The following GIPC2 variants were observed in gnomAD, a reference collection of about 807,000 sequenced individuals.
The protein encoded by GIPC2 is GIPC PDZ domain containing family member 2.
GIPC2 carries 30 observed loss-of-function variants against 30.6 expected under a neutral mutation model. The ratio of observed to expected loss-of-function variants is 0.98; its 90% CI spans 0.73 to 1.33. The LOEUF is 1.33. Among genes scored for constraint, GIPC2 ranks in the 40% most tolerant of loss-of-function variants. GIPC2 has a pLI of 0.00. For missense variants in GIPC2, 414 were observed against 390.3 expected, an observed-to-expected ratio of 1.06 and a Z score of -0.51; for synonymous variants, 167 against 150.0, an observed-to-expected ratio of 1.11 and a Z score of -0.83.
At chr1:78,051,161 G>T (rs1434571059) in intron 1 of GIPC2, among the ~76,000 whole-genome samples, 3 of 150,926 alleles carry the variant, frequency 2.0e-5, no homozygotes, top group Non-Finnish European at 4.4e-5. Flanking sequence ...ACCCCACTTT[G>T]CTCAATACAT....
At chr1:78,050,205 A>C (rs1451411874) in intron 1 of GIPC2, among the ~76,000 whole-genome samples, 1 of 152,034 alleles carries the variant, frequency 6.6e-6, no homozygotes, top group Non-Finnish European at 1.5e-5. Flanking sequence ...GCCGGTTCCA[A>C]GTCTATTACA....
Position 78,046,220 on chromosome 1 carries a change from G to T in GIPC2, c.126G>T (p.Leu42=). ...CGTCCCGGGCTCCCGCACGCAGGCT[G>T]GTCTTCCACGCGCAGCTGGCGCACG... The part of the protein sequence containing the change: ...LSASRAPARR[L]VFHAQLAHGS... Residue 42 remains leucine (L), a synonymous_variant, in exon 1 of 6, where the codon CTG becomes CTT. Coordinates refer to ENST00000370759, the MANE Select transcript of GIPC2 (RefSeq NM_017655.6). 6.2e-7 allele frequency: 1 copy of T among 1,602,362 alleles called. No homozygotes were observed. Among genetic ancestry groups the T allele is most frequent in the Non-Finnish European group, 8.5e-7 (1 of 1,175,612 alleles).
intron 1 of GIPC2, among the ~76,000 whole-genome samples, chr1:78,055,324 A>G (rs1661268911): frequency 6.6e-6 from 1 of 152,178 alleles, no homozygotes. Context: ...GTGGGGGATT[A>G]GGCTTGGGGA....
intron 1 of GIPC2, among the ~76,000 whole-genome samples, chr1:78,055,686 T>A (rs1291362488): frequency 6.6e-6 from 1 of 152,186 alleles, no homozygotes; most frequent in East Asian, 1.9e-4. Flanking sequence ...TTAAACTTCC[T>A]AAGAAAGAGT....
intron 3 of GIPC2, among the ~76,000 whole-genome samples, chr1:78,111,186 G>A (rs1030478004): frequency 6.6e-6 from 1 of 152,196 alleles, no homozygotes; most frequent in African/African-American, 2.4e-5. Context: ...ACTTTTCTGG[G>A]ATGGAGTGGT....
intron 1 of GIPC2, among the ~76,000 whole-genome samples, chr1:78,069,475 CTT>C (rs1167457025): frequency 2.3e-4 from 29 of 127,232 alleles, no homozygotes; most frequent in Non-Finnish European, 2.1e-4. Context: ...CCCTGTAGTA[CTT>C]TTTTTTTTTT....
At chr1:78,051,539 T>C (rs1242223470) in intron 1 of GIPC2, among the ~76,000 whole-genome samples, 1 of 152,122 alleles carries the variant, frequency 6.6e-6, no homozygotes, top group East Asian at 1.9e-4. Flanking sequence ...CTCACTCTGT[T>C]GCCAGGCTGG....
chr1:78,138,359 A>G lies in GIPC2; in HGVS notation c.*2616A>G, dbSNP rs1020887329. On this transcript the variant is annotated 3_prime_UTR_variant, in exon 6 of 6. Transcript: ENST00000370759. ...CATCCAATATTGTGACTGAAAATTA[A>G]CTAAAGAGAGATAATTTTTCAAATG... is the stretch of plus-strand genomic sequence containing the variant. 1 of 152,242 alleles carries G rather than the reference A, an allele frequency of 6.6e-6. No homozygotes were observed. The highest frequency in any genetic ancestry group is 1.5e-5 in the Non-Finnish European group (1 of 68,050). 9.4% of individuals were successfully genotyped at this position (152,242 alleles called of 1,614,324 possible).
chr1:78,047,190 A>T (rs1661109720), intron 1 of GIPC2, among the ~76,000 whole-genome samples: 1 of 152,240 alleles, frequency 6.6e-6, no homozygotes, highest in African/African-American at 2.4e-5. Context: ...ACCCAAGTGA[A>T]CTGCAAAGGT....
chr1:78,090,353 C>A (rs749559410), intron 2 of GIPC2, among the ~76,000 whole-genome samples: 1 of 151,968 alleles, frequency 6.6e-6, no homozygotes, highest in Non-Finnish European at 1.5e-5. Flanking sequence ...TGCCACCATG[C>A]CTGGGTAATT....
intron 5 of GIPC2, among the ~76,000 whole-genome samples, chr1:78,129,033 A>G (rs1362170814): frequency 9.8e-5 from 9 of 91,996 alleles, no homozygotes; most frequent in Admixed American, 7.9e-4. Context: ...TAAATAAATG[A>G]AAAAAAAAAG....
intron 3 of GIPC2, among the ~76,000 whole-genome samples, chr1:78,098,766 A>G (rs1365420191): frequency 6.6e-6 from 1 of 151,818 alleles, no homozygotes; most frequent in Non-Finnish European, 1.5e-5. Context: ...ATCCAATATG[A>G]CTGGTGTACT....
Position 78,120,212 on chromosome 1 carries a change from C to T in GIPC2, c.714+713C>T, listed in dbSNP as rs143951847. On this transcript the variant is annotated intron_variant, in intron 4 of 5. Coordinates refer to ENST00000370759, the MANE Select transcript of GIPC2 (RefSeq NM_017655.6). The stretch of plus-strand genomic sequence containing the variant: ...AAGTCCTCAGAATGACCAACATGAC[C>T]GAACTCCGTATTTCTTCTCTGTTCT... Among the ~76,000 whole-genome samples the T allele has an allele frequency of 6.3e-3, 960 of 152,310 alleles. 5 individuals are homozygous for T. The highest frequency in any genetic ancestry group is 0.021 in the African/African-American group (887 of 41,562).
intron 3 of GIPC2, among the ~76,000 whole-genome samples, chr1:78,099,456 T>C (rs1662198873): frequency 6.6e-6 from 1 of 151,476 alleles, no homozygotes; most frequent in Non-Finnish European, 1.5e-5. Flanking sequence ...TTTTTTTTTT[T>C]GAGACGGAGT....
intron 4 of GIPC2, 113 bp downstream of exon 4, chr1:78,119,612 G>A (rs1662641490): frequency 1.6e-6 from 1 of 634,698 alleles, no homozygotes. Flanking sequence ...TAAACAATCT[G>A]GAAATTACTG....
intron 1 of GIPC2, among the ~76,000 whole-genome samples, chr1:78,053,652 A>G (rs954265203): frequency 6.7e-6 from 1 of 150,204 alleles, no homozygotes; most frequent in African/African-American, 2.4e-5. Context: ...TACCAGTCTA[A>G]TCTTAGCACT....
chr1:78,066,516 C>G (rs1005312363), intron 1 of GIPC2, among the ~76,000 whole-genome samples: 1 of 152,162 alleles, frequency 6.6e-6, no homozygotes, highest in Non-Finnish European at 1.5e-5. Flanking sequence ...CCATTTGACC[C>G]AGCAATCCCA....
intron 3 of GIPC2, 135 bp from the exon 4 acceptor site, chr1:78,119,258 T>C (rs1662632729): frequency 1.8e-6 from 1 of 549,088 alleles, no homozygotes; most frequent in African/African-American, 1.9e-5. Context: ...GGAAATTCTA[T>C]AAGAAGGCCT....
At chr1:78,070,310 C>T (rs1449203285) in intron 1 of GIPC2, among the ~76,000 whole-genome samples, 2 of 152,216 alleles carry the variant, frequency 1.3e-5, no homozygotes, top group Middle Eastern at 3.4e-3. Context: ...TCTCTCTTTG[C>T]CTGTTTAGAA....
Sources: gnomAD v4.1 joint callset for allele counts (sites outside exome capture counted in the v4.1 genomes callset) on GRCh38, gnomAD v4.1.1 for gene constraint, MANE v1.5 for transcripts, NCBI Gene and HGNC (gene_info 2026-07-23, HGNC 2026-07-21) for gene names.